Variants in TBC1D21 observed in about 807,000 individuals in gnomAD.
TBC1D21 encodes male germ cell Rab GTPase-activating protein.
A neutral mutation model predicts 46.0 loss-of-function variants in TBC1D21; 38 were observed. The observed-to-expected ratio is 0.83, with a 90% CI of 0.64 to 1.08. The LOEUF is 1.08. Among genes scored for constraint, TBC1D21 ranks in the 50% least tolerant of loss-of-function variants. The probability of loss-of-function intolerance (pLI) is 0.00; values close to 1 mark genes in which losing one functional copy is unlikely to be tolerated. For synonymous variants in TBC1D21, 151 were observed against 157.2 expected (o/e 0.96, Z 0.29); for missense variants, 415 against 417.9 (o/e 0.99, Z 0.06).
At chr15:73,875,246 C>CAA (rs36042249) in intron 1 of TBC1D21, among the ~76,000 whole-genome samples, 3 of 102,596 alleles carry the variant, frequency 2.9e-5, no homozygotes, top group African/African-American at 7.8e-5. Context: ...GAGACTCCAT[C>CAA]AAAAAAAAAA....
In TBC1D21 at chr15:73,884,890, A is replaced by T; in HGVS notation, c.477A>T (p.Ala159=). Residue 159 remains alanine, a splice_region_variant and synonymous_variant, in exon 5 of 11, where the codon GCA becomes GCT. Transcript: ENST00000300504. ...LLLSYVCNTQ[A]EYQQGFHEMM... is the part of the protein sequence containing the mutation. ...TGAGTTACGTCTGCAACACGCAGGC[A>T]GGTGAGCCTCAGCCTCCCCTTGTCA... 1 of 1,613,870 alleles carries T rather than the reference A, an allele frequency of 6.2e-7. No homozygotes were observed. The highest frequency in any genetic ancestry group is 8.5e-7 in the Non-Finnish European group (1 of 1,179,792).
the TBC1D21 span, among the ~76,000 whole-genome samples, chr15:73,902,528 T>G: frequency 4.6e-5 from 7 of 152,320 alleles, no homozygotes; most frequent in African/African-American, 1.7e-4. Flanking sequence ...GCAAGAAGCC[T>G]TCCCCAGAGC....
chr15:73,898,863 C>CAAAAAAAAAAAA, the TBC1D21 span, among the ~76,000 whole-genome samples: 195 of 24,082 alleles, frequency 8.1e-3, 13 homozygotes, highest in East Asian at 0.037. Flanking sequence ...GACTCCATCT[C>CAAAAAAAAAAAA]AAAAAAAAAA....
chr15:73,903,273 G>A, the TBC1D21 span, among the ~76,000 whole-genome samples: 2 of 152,188 alleles, frequency 1.3e-5, no homozygotes, highest in East Asian at 3.9e-4. Context: ...CTCTTCATGA[G>A]AGAACTATCT....
At chr15:73,901,435 T>A in the TBC1D21 span, among the ~76,000 whole-genome samples, 5 of 152,236 alleles carry the variant, frequency 3.3e-5, no homozygotes, top group Non-Finnish European at 7.3e-5. Context: ...GCACTCCTCA[T>A]GCAAATGCCC....
chr15:73,893,110 A>G (rs2068350481), downstream of TBC1D21, among the ~76,000 whole-genome samples: 1 of 152,184 alleles, frequency 6.6e-6, no homozygotes, highest in Non-Finnish European at 1.5e-5. Context: ...CATTCTGCCA[A>G]CAAAAACTGA....
At chr15:73,875,678 C>T (rs1427460782) in intron 1 of TBC1D21, among the ~76,000 whole-genome samples, 1 of 152,142 alleles carries the variant, frequency 6.6e-6, no homozygotes, top group African/African-American at 2.4e-5. Flanking sequence ...TGCCTAGATA[C>T]ACCCTGAAGG....
Position 73,888,514 on chromosome 15 carries a change from G to A in TBC1D21, c.978+1G>A, listed in dbSNP as rs2068291985. On this transcript the variant is annotated splice_donor_variant, in intron 10 of 10. Transcript: ENST00000300504. LOFTEE classifies it high-confidence loss of function. Reference sequence around the variant, plus strand: ...TTATGCTGAGCTCATCCAGAAGGATGTAAGTTGCCCCAATGATGTGTCCTC... The same window carrying A: ...TTATGCTGAGCTCATCCAGAAGGATATAAGTTGCCCCAATGATGTGTCCTC... 2 of 1,613,660 alleles carry A rather than the reference G, an allele frequency of 1.2e-6. No homozygotes were observed. Among genetic ancestry groups the A allele is most frequent in the Non-Finnish European group, 1.7e-6 (2 of 1,179,820 alleles).
At chr15:73,889,553 A>G (rs887772279), downstream of TBC1D21, among the ~76,000 whole-genome samples, 10 of 152,084 alleles carry the variant, frequency 6.6e-5, no homozygotes, top group Non-Finnish European at 1.3e-4. Context: ...CTCTGCCCCC[A>G]CCCCCACTGC....
downstream of TBC1D21, among the ~76,000 whole-genome samples, chr15:73,891,798 T>C (rs185270416): frequency 3.3e-5 from 5 of 152,324 alleles, no homozygotes; most frequent in East Asian, 9.6e-4. Context: ...CCTCTGGACT[T>C]TGGGCACCGA....
At chr15:73,896,186 C>G in the TBC1D21 span, among the ~76,000 whole-genome samples, 1 of 67,758 alleles carries the variant, frequency 1.5e-5, no homozygotes, top group African/African-American at 4.0e-5. Context: ...CTGGTAGTGG[C>G]AGCAGTGGTG....
At chr15:73,884,045 G>A (rs918269204) in intron 3 of TBC1D21, 106 bp from the exon 4 acceptor site, 1 of 886,646 alleles carries the variant, frequency 1.1e-6, no homozygotes, top group Non-Finnish European at 1.9e-6. Flanking sequence ...GGCTGGGTGA[G>A]GGTGCTGCCC....
At chr15:73,906,821 G>A in the TBC1D21 span, among the ~76,000 whole-genome samples, 1 of 152,202 alleles carries the variant, frequency 6.6e-6, no homozygotes, top group Non-Finnish European at 1.5e-5. Flanking sequence ...CTGAGTGTTG[G>A]TTTACAGAGC....
Position 73,873,618 on chromosome 15 carries a change from C to T in TBC1D21, c.-92C>T, listed in dbSNP as rs933441992. The T allele has an allele frequency of 2.1e-6, 3 of 1,433,566 alleles. No homozygotes were observed. The highest frequency in any genetic ancestry group is 1.4e-5 in the African/African-American group (1 of 70,650). 88.8% of individuals were successfully genotyped at this position (1,433,566 alleles called of 1,614,324 possible). ...GGAGGTCAGGAGCAGCCAGTTCCTC[C>T]TGGGAATGCAACCCATCTCCGAAAA... is the stretch of plus-strand genomic sequence containing the variant. On this transcript the variant is annotated 5_prime_UTR_variant, in exon 1 of 11. Transcript: ENST00000300504.
chr15:73,896,317 T>C, the TBC1D21 span, among the ~76,000 whole-genome samples: 1 of 68,258 alleles, frequency 1.5e-5, no homozygotes, highest in African/African-American at 4.0e-5. Flanking sequence ...GTGGAAGTCA[T>C]GGCGAGGAGG....
In TBC1D21 at chr15:73,884,160, C is replaced by A; in HGVS notation, c.282C>A (p.Tyr94Ter). 6.2e-7 allele frequency: 1 copy of A among 1,614,118 alleles called. No homozygotes were observed. The change falls in exon 4 of 11, where the codon TAC (tyrosine) becomes TAA (stop). Residue 94 changes from tyrosine (Y) to a stop codon, truncating the protein, a stop_gained. Transcript: ENST00000300504. LOFTEE classifies it high-confidence loss of function. ...AGTTCTGTTCTCACAGGAAGAACTA[C>A]AAGGCCTTATGCCAAATGTATGAGA... ...LTVDSMRRKN[Y>*]KALCQMYEKI...
chr15:73,893,983 T>C (rs1329534518), downstream of TBC1D21, among the ~76,000 whole-genome samples: 1 of 152,152 alleles, frequency 6.6e-6, no homozygotes, highest in Non-Finnish European at 1.5e-5. Context: ...CTCGCATGCT[T>C]TATCTAACAG....
At chr15:73,880,615 A>G (rs1221456208) in intron 1 of TBC1D21, among the ~76,000 whole-genome samples, 14 of 152,116 alleles carry the variant, frequency 9.2e-5, no homozygotes, top group African/African-American at 3.1e-4. Context: ...TACTAAAAAT[A>G]CAAAAATTAG....
the TBC1D21 span, among the ~76,000 whole-genome samples, chr15:73,904,517 A>G: frequency 6.6e-6 from 1 of 152,028 alleles, no homozygotes; most frequent in Admixed American, 6.5e-5. Context: ...CATTTTCTTC[A>G]AAGAGTGACC....
Sources: allele counts gnomAD v4.1 joint callset (sites outside exome capture counted in the v4.1 genomes callset), GRCh38; gene constraint gnomAD v4.1.1; transcripts MANE v1.5; gene names NCBI Gene and HGNC (gene_info 2026-07-23, HGNC 2026-07-21).